Variants in DNAJB2 observed in about 807,000 individuals in gnomAD.
DNAJB2 encodes dnaJ homolog subfamily B member 2.
In DNAJB2, 19 loss-of-function variants were observed where a neutral mutation model predicts 33.3. That is an observed-to-expected ratio of 0.57 (90% CI 0.40 to 0.84). The LOEUF (loss-of-function observed/expected upper bound fraction) is 0.84, where lower values mean the gene tolerates loss of function less well. DNAJB2 is among the 40% of genes least tolerant of loss of function. DNAJB2 has a pLI of 0.00. For synonymous variants in DNAJB2, 172 were observed against 164.6 expected (o/e 1.04, Z -0.34); for missense variants, 368 against 430.9 (o/e 0.85, Z 1.29).
chr2:219,286,092 C>T lies in DNAJB2; in HGVS notation c.*1105C>T. On this transcript the variant is annotated 3_prime_UTR_variant, in exon 9 of 9. Transcript: ENST00000336576. ...GGGACCCTCCATTTCTCCCCCTCACCCATGCTGAGTGTAGAGCCGGGGCCT... is the reference window on the plus strand; with the variant it reads ...GGGACCCTCCATTTCTCCCCCTCACTCATGCTGAGTGTAGAGCCGGGGCCT... The T allele has an allele frequency of 7.1e-7, 1 of 1,403,122 alleles. No homozygotes were observed. The allele number at this position is 1,403,122 out of a possible 1,614,324, so 86.9% of individuals were successfully genotyped here.
intron 5 of DNAJB2, chr2:219,282,636 T>C: frequency 2.0e-6 from 1 of 500,794 alleles, no homozygotes; most frequent in Non-Finnish European, 3.4e-6. Flanking sequence ...CCTTCCTTTA[T>C]TCTTTATTGT....
In DNAJB2 at chr2:219,281,751, G is replaced by A. The variant is rs766183158; in HGVS notation, c.209G>A (p.Arg70Gln). ...CGGGAGATTTACGACCGCTATGGCC[G>A]GGAAGGGCTGACAGGGACAGGTAGG... ...HKREIYDRYG[R>Q]EGLTGTGTGP... The change falls in exon 4 of 9, where the codon CGG becomes CAG. Residue 70 changes from arginine (R) to glutamine (Q), a missense_variant. Arg to Gln is a conservative substitution (Grantham distance 43, BLOSUM62 1). Transcript: ENST00000336576. The A allele has an allele frequency of 2.4e-5, 39 of 1,613,964 alleles. No homozygotes were observed. Among genetic ancestry groups the A allele is most frequent in the African/African-American group, 5.3e-5 (4 of 74,926 alleles).
Position 219,285,999 on chromosome 2 carries a change from C to T in DNAJB2, c.*1012C>T, listed in dbSNP as rs1951952344. On this transcript the variant is annotated 3_prime_UTR_variant, in exon 9 of 9. Coordinates refer to ENST00000336576, the MANE Select transcript of DNAJB2 (RefSeq NM_006736.6). The stretch of plus-strand genomic sequence containing the variant: ...GCTCTCTCCCCAGATGTGTTCTGAG[C>T]TGGATGCCGGGTTCCAGAATCGCTG... 6.2e-7 allele frequency: 1 copy of T among 1,612,768 alleles called. No individual in the cohort carries two copies. Among genetic ancestry groups the T allele is most frequent in the African/African-American group, 1.3e-5 (1 of 74,946 alleles).
At position 219,283,580 on chromosome 2, in the gene DNAJB2, A is replaced by C. The variant is rs1574901474; in HGVS notation, c.619+91A>C. 20 of 1,355,784 alleles carry C rather than the reference A, an allele frequency of 1.5e-5. No homozygotes were observed. In the East Asian group the frequency reaches 2.5e-4, roughly 17 times the overall value. The allele number at this position is 1,355,784 out of a possible 1,614,324, so 84.0% of individuals were successfully genotyped here. ...CCCCAAACTGCTGCTCTCTGAACTC[A>C]CTTAGGGCTTGGGAGGGAGTGGCAA... On this transcript the variant is annotated intron_variant, in intron 8 of 8. Transcript: ENST00000336576.
intron 6 of DNAJB2, 83 bp downstream of exon 6, chr2:219,283,012 C>T: frequency 1.3e-6 from 2 of 1,572,798 alleles, no homozygotes; most frequent in Non-Finnish European, 1.7e-6. Context: ...AAGCCTGTCT[C>T]CTGTGTTGGG....
chr2:219,282,269 C>G, intron 5 of DNAJB2: 1 of 646,224 alleles, frequency 1.5e-6, no homozygotes, highest in African/African-American at 1.8e-5. Flanking sequence ...TTCACAGACT[C>G]ACCTTATTAA....
chr2:219,283,259 A>G (rs1042383298), intron 7 of DNAJB2, 24 bp downstream of exon 7: 35 of 1,613,566 alleles, frequency 2.2e-5, no homozygotes, highest in Non-Finnish European at 2.8e-5. Context: ...CTGGGGCCAT[A>G]GAGGGGTGAG....
chr2:219,279,492 A>T lies in DNAJB2; in HGVS notation c.-63A>T. 4.2e-6 allele frequency: 1 copy of T among 237,206 alleles called. No homozygotes were observed. The highest frequency in any genetic ancestry group is 8.3e-6 in the Non-Finnish European group (1 of 121,144). 14.7% of individuals were successfully genotyped at this position (237,206 alleles called of 1,614,324 possible). ...GCGGGGGGCAGGGGCGGGGCGCCGC[A>T]GGAGGCCGGGACTCCTGGCGGAGGA... is the stretch of plus-strand genomic sequence containing the variant. On this transcript the variant is annotated 5_prime_UTR_variant, in exon 1 of 9. Transcript: ENST00000336576. The surrounding 1 kb of genome is among the most constrained non-coding windows in gnomAD (Gnocchi z 4.9).
chr2:219,284,575 C>CT, intron 8 of DNAJB2, 57 bp from the exon 9 acceptor site: 1 of 1,528,594 alleles, frequency 6.5e-7, no homozygotes, highest in Non-Finnish European at 8.8e-7. Context: ...GTGAGGCAGC[C>CT]TGGCAGTAAT....
chr2:219,285,496 C>T lies in DNAJB2; in HGVS notation c.*509C>T, dbSNP rs183734308. ...CGCTCTGACCGTCTCTGTTGCTTCT[C>T]TTCTGGTGTTGCTTCTCCTCCCTCC... On this transcript the variant is annotated 3_prime_UTR_variant, in exon 9 of 9. Transcript: ENST00000336576. The T allele has an allele frequency of 1.9e-4, 194 of 1,009,424 alleles. No homozygotes were observed. The highest frequency in any genetic ancestry group is 2.2e-4 in the Non-Finnish European group (186 of 845,330). The allele number at this position is 1,009,424 out of a possible 1,614,324, so 62.5% of individuals were successfully genotyped here.
rs1951887205 is a variant in DNAJB2, at chr2:219,279,729, G to A, written c.-36-69G>A. On this transcript the variant is annotated intron_variant, in intron 1 of 8. Coordinates refer to ENST00000336576, the MANE Select transcript of DNAJB2 (RefSeq NM_006736.6). This position sits in a 1 kb window ranked among gnomAD's most constrained non-coding sequence, Gnocchi z 4.9. ...ACTGGGAGCGCCTTCCGCCACCCGG[G>A]GAGGGGGACTGCTGCAGCCACAGGG... 3.8e-6 allele frequency: 5 copies of A among 1,324,680 alleles called. No individual in the cohort carries two copies. The highest frequency in any genetic ancestry group is 5.3e-6 in the Non-Finnish European group (5 of 951,496). The allele number at this position is 1,324,680 out of a possible 1,614,324, so 82.1% of individuals were successfully genotyped here.
chr2:219,280,993 G>A, intron 3 of DNAJB2: 1 of 365,312 alleles, frequency 2.7e-6, no homozygotes, highest in Non-Finnish European at 5.0e-6. Flanking sequence ...TATGAGGCAG[G>A]TTCTATCACC....
Position 219,284,890 on chromosome 2 carries a change from A to G in DNAJB2, c.878A>G (p.Asp293Gly). ...RQGRPKAQHQ[D>G]PGLGGTQEGA... ...GGGCGGCCCAAGGCCCAGCACCAAGATCCAGGCTTGGGGGGGACCCAGGAG... is the reference window on the plus strand; with the variant it reads ...GGGCGGCCCAAGGCCCAGCACCAAGGTCCAGGCTTGGGGGGGACCCAGGAG... The change falls in exon 9 of 9, where the codon GAT (aspartate) becomes GGT (glycine). Residue 293 changes from aspartate to glycine, a missense_variant. Transcript: ENST00000336576. 1 of 1,606,108 alleles carries G rather than the reference A, an allele frequency of 6.2e-7. No homozygotes were observed. The highest frequency in any genetic ancestry group is 1.1e-5 in the South Asian group (1 of 90,590).
At chr2:219,284,472 ACTTC>A (rs1459124177) in intron 8 of DNAJB2, among the ~76,000 whole-genome samples, 156 bp from the exon 9 acceptor site, 10 of 152,202 alleles carry the variant, frequency 6.6e-5, no homozygotes, top group African/African-American at 1.9e-4. Context: ...AGAGCTGAAT[ACTTC>A]CTTGTGCTCA....
At position 219,279,751 on chromosome 2, in the gene DNAJB2, A is replaced by C; in HGVS notation, c.-36-47A>C. 1 of 1,516,294 alleles carries C rather than the reference A, an allele frequency of 6.6e-7. No homozygotes were observed. Among genetic ancestry groups the C allele is most frequent in the Non-Finnish European group, 9.1e-7 (1 of 1,103,524 alleles). 93.9% of individuals were successfully genotyped at this position (1,516,294 alleles called of 1,614,324 possible). ...CGGGGAGGGGGACTGCTGCAGCCACAGGGTGGGGCTCTTGGTTCTTTCCGC... is the reference window on the plus strand; with the variant it reads ...CGGGGAGGGGGACTGCTGCAGCCACCGGGTGGGGCTCTTGGTTCTTTCCGC... On this transcript the variant is annotated intron_variant, in intron 1 of 8. Coordinates refer to ENST00000336576, the MANE Select transcript of DNAJB2 (RefSeq NM_006736.6). This position sits in a 1 kb window ranked among gnomAD's most constrained non-coding sequence, Gnocchi z 4.9.
Position 219,283,432 on chromosome 2 carries a change from G to C in DNAJB2, c.562G>C (p.Gly188Arg), listed in dbSNP as rs764178720. The change falls in exon 8 of 9, where the codon GGG (glycine) becomes CGG (arginine). Residue 188 changes from glycine to arginine, a missense_variant. Physicochemically the swap from Gly to Arg is moderately radical, Grantham distance 125. Coordinates refer to ENST00000336576, the MANE Select transcript of DNAJB2 (RefSeq NM_006736.6). ...RITTRRIMENGQERVEVEEDG... is the reference protein window; with the variant it reads ...RITTRRIMENRQERVEVEEDG... Reference sequence around the variant, plus strand: ...TGTCTCCCACAGAATCATGGAGAACGGGCAGGAGCGGGTGGAAGTGGAGGA... The same window carrying C: ...TGTCTCCCACAGAATCATGGAGAACCGGCAGGAGCGGGTGGAAGTGGAGGA... The C allele has an allele frequency of 3.1e-6, 5 of 1,613,940 alleles. No individual in the cohort carries two copies. The South Asian group carries it at 3.3e-5, about 11-fold the overall frequency.
rs947781604 is a variant in DNAJB2, at chr2:219,282,892, C to T, written c.408C>T (p.Pro136=). Residue 136 remains proline, a synonymous_variant, in exon 6 of 9, where the codon CCC becomes CCT. Coordinates refer to ENST00000336576, the MANE Select transcript of DNAJB2 (RefSeq NM_006736.6). ...LQNRGSRHSG[P]FFTFSSSFPG... ...ACCGGGGTTCCCGACACTCAGGCCC[C>T]TTCTTTACCTTCTCTTCCTCCTTCC... The T allele has an allele frequency of 1.9e-6, 3 of 1,606,634 alleles. No individual in the cohort carries two copies. The Admixed American group carries it at 5.2e-5, about 28-fold the overall frequency.
chr2:219,280,246 G>A (rs556672818), intron 2 of DNAJB2: 2 of 518,870 alleles, frequency 3.9e-6, no homozygotes, highest in Non-Finnish European at 6.9e-6. Flanking sequence ...GTGCAAAGAG[G>A]CTCTATGAGG....
chr2:219,281,622 C>A, intron 3 of DNAJB2, 96 bp from the exon 4 acceptor site: 1 of 1,541,066 alleles, frequency 6.5e-7, no homozygotes, highest in Non-Finnish European at 8.9e-7. Context: ...CGCCAAGTGT[C>A]AGAGTGTCAG....
Sources: gnomAD v4.1 joint callset for allele counts (sites outside exome capture counted in the v4.1 genomes callset) on GRCh38, gnomAD v4.1.1 for gene constraint, Gnocchi (gnomAD v3.1) non-coding constraint, MANE v1.5 for transcripts, NCBI Gene and HGNC (gene_info 2026-07-23, HGNC 2026-07-21) for gene names.